NAV2: variants seen among roughly 807,000 people sequenced by gnomAD.
The protein encoded by NAV2 is neuron navigator 2.
A neutral mutation model predicts 223.2 loss-of-function variants in NAV2; 54 were observed. The ratio of observed to expected loss-of-function variants is 0.24; its 90% CI spans 0.19 to 0.30. NAV2 has a LOEUF of 0.30. Among genes scored for constraint, NAV2 ranks in the 10% least tolerant of loss-of-function variants. The pLI, the probability that NAV2 is intolerant of heterozygous loss-of-function variation, is 1.00. For missense variants in NAV2, 2,806 were observed against 3,147.5 expected (o/e 0.89, Z 2.60); for synonymous variants, 1,279 against 1,239.3 (o/e 1.03, Z -0.67).
chr11:19,898,893 A>G lies in NAV2; in HGVS notation c.931+6299A>G, dbSNP rs527963574. Among the ~76,000 whole-genome samples the G allele has an allele frequency of 1.4e-4, 21 of 152,312 alleles. No homozygotes were observed. In the South Asian group the frequency reaches 4.4e-3, roughly 32 times the overall value. On this transcript the variant is annotated intron_variant, in intron 6 of 37. Transcript: ENST00000349880. ...TATTTTAAGAAGCTGAAATAACAAG[A>G]CCATTTGATAAAAACTGGACTTGTT... is the stretch of plus-strand genomic sequence containing the variant.
chr11:19,522,798 G>T (rs1274134764), intron 1 of NAV2, among the ~76,000 whole-genome samples: 2 of 152,220 alleles, frequency 1.3e-5, no homozygotes, highest in Non-Finnish European at 2.9e-5. Context: ...TTTCACGTCT[G>T]TTCTTAAGAA....
intron 30 of NAV2, 116 bp from the exon 31 acceptor site, chr11:20,097,461 A>G: frequency 1.1e-6 from 1 of 873,784 alleles, no homozygotes; most frequent in Non-Finnish European, 1.6e-6. Flanking sequence ...GCTCAATTTC[A>G]ACTCAGACAT....
At chr11:19,765,369 C>A (rs975759676) in intron 1 of NAV2, among the ~76,000 whole-genome samples, 1 of 147,706 alleles carries the variant, frequency 6.8e-6, no homozygotes, top group Non-Finnish European at 1.5e-5. Flanking sequence ...TCCTCCTCAT[C>A]TTCCCTTCTT....
chr11:20,053,006 C>A (rs1249435650), intron 17 of NAV2, among the ~76,000 whole-genome samples: 4 of 151,906 alleles, frequency 2.6e-5, no homozygotes, highest in Admixed American at 2.6e-4. Context: ...CACTTGAGGG[C>A]GGGAGTTCAA....
chr11:19,722,179 C>T (rs999710673), intron 1 of NAV2, among the ~76,000 whole-genome samples: 11 of 152,084 alleles, frequency 7.2e-5, no homozygotes, highest in African/African-American at 2.4e-4. Flanking sequence ...TGGCTTAATT[C>T]CTTGTTCTTT....
chr11:19,492,729 C>G (rs1242411824), intron 1 of NAV2, among the ~76,000 whole-genome samples: 2 of 152,268 alleles, frequency 1.3e-5, no homozygotes, highest in Middle Eastern at 3.4e-3. Flanking sequence ...TTTATAAAAA[C>G]TTAAAAATTT....
chr11:20,086,807 G>A (rs975786378), intron 26 of NAV2, among the ~76,000 whole-genome samples: 1 of 152,100 alleles, frequency 6.6e-6, no homozygotes, highest in East Asian at 1.9e-4. Flanking sequence ...TTTACAACTT[G>A]AGTACCTGGG....
rs529685197 is a variant in NAV2 at position 19,828,655 on chromosome 11, A to G, written c.268-3829A>G. ...GGGCACGTGCCATCACACCCGGCTA[A>G]TTTTTTGTGTTTTTTGTAGGGAGGG... On this transcript the variant is annotated intron_variant, in intron 1 of 37. Transcript: ENST00000349880. Among the ~76,000 whole-genome samples, 274 of 146,702 alleles carry G rather than the reference A, an allele frequency of 1.9e-3. 1 individual carries two copies. The highest frequency in any genetic ancestry group is 3.2e-3 in the Non-Finnish European group (207 of 64,516).
At chr11:19,760,485 A>G (rs556166018) in intron 1 of NAV2, among the ~76,000 whole-genome samples, 1 of 152,146 alleles carries the variant, frequency 6.6e-6, no homozygotes, top group Non-Finnish European at 1.5e-5. Flanking sequence ...ATGCACACCA[A>G]CCATCGACTC....
intron 1 of NAV2, among the ~76,000 whole-genome samples, chr11:19,565,377 A>G (rs2045236019): frequency 6.6e-6 from 1 of 152,126 alleles, no homozygotes; most frequent in Admixed American, 6.5e-5. Flanking sequence ...TTGTTCTCCA[A>G]TTAAAGGTCC....
At chr11:19,652,064 T>C (rs2047984810) in intron 1 of NAV2, among the ~76,000 whole-genome samples, 2 of 151,970 alleles carry the variant, frequency 1.3e-5, no homozygotes, top group South Asian at 2.1e-4. Flanking sequence ...GAGCAAGGAG[T>C]GACCTTATTT....
intron 37 of NAV2, 55 bp from the exon 38 acceptor site, chr11:20,118,078 G>A: frequency 6.2e-7 from 1 of 1,606,026 alleles, no homozygotes; most frequent in Non-Finnish European, 8.5e-7. Flanking sequence ...TAGGAGTCCA[G>A]GGTGGGCGGC....
intron 4 of NAV2, among the ~76,000 whole-genome samples, 172 bp from the exon 5 acceptor site, chr11:19,879,697 T>G (rs1216035293): frequency 4.6e-5 from 7 of 152,166 alleles, no homozygotes; most frequent in Non-Finnish European, 1.5e-5. Flanking sequence ...ATGGCGAGAA[T>G]AAGCTAATTT....
chr11:19,689,905 A>C (rs1284924019), intron 1 of NAV2, among the ~76,000 whole-genome samples: 1 of 152,164 alleles, frequency 6.6e-6, no homozygotes, highest in Non-Finnish European at 1.5e-5. Flanking sequence ...GAATCAAACA[A>C]ATGCTGCAGA....
chr11:19,666,435 G>A (rs969217201), intron 1 of NAV2, among the ~76,000 whole-genome samples: 5 of 152,122 alleles, frequency 3.3e-5, no homozygotes, highest in African/African-American at 4.8e-5. Context: ...TCCAGCAGCC[G>A]TAGGCAGCAG....
chr11:19,525,476 T>C (rs2043812853), intron 1 of NAV2, among the ~76,000 whole-genome samples: 1 of 152,226 alleles, frequency 6.6e-6, no homozygotes, highest in Non-Finnish European at 1.5e-5. Context: ...GACTGCGGTC[T>C]GTCGTTAGTG....
intron 12 of NAV2, among the ~76,000 whole-genome samples, chr11:20,040,815 T>A (rs992878053): frequency 3.3e-5 from 5 of 152,230 alleles, no homozygotes; most frequent in African/African-American, 4.8e-5. Context: ...TCCTGTTGGC[T>A]GGTTCCGCTG....
At chr11:20,036,125 C>T (rs1394586514) in intron 12 of NAV2, 28 bp downstream of exon 12, 47 of 1,613,660 alleles carry the variant, frequency 2.9e-5, no homozygotes, top group Non-Finnish European at 3.9e-5. Context: ...TCCCAGGCTC[C>T]TCCAGCAGCC....
chr11:19,620,933 C>A (rs1292802269), intron 1 of NAV2, among the ~76,000 whole-genome samples: 3 of 152,050 alleles, frequency 2.0e-5, no homozygotes, highest in Admixed American at 2.0e-4. Context: ...GAGATACATC[C>A]CATTAATACC....
Sources: allele counts gnomAD v4.1 joint callset (sites outside exome capture counted in the v4.1 genomes callset), GRCh38; gene constraint gnomAD v4.1.1; transcripts MANE v1.5; gene names NCBI Gene and HGNC (gene_info 2026-07-23, HGNC 2026-07-21).